The following SLC14A2 variants were observed in gnomAD, a reference collection of about 807,000 sequenced individuals.
SLC14A2 encodes the protein urea transporter 2.
Under a neutral mutation model 104.6 loss-of-function variants are expected in SLC14A2, and 91 were observed. The observed-to-expected ratio is 0.87, with a 90% CI of 0.73 to 1.04. The LOEUF is 1.04. SLC14A2 is among the 50% of genes least tolerant of loss of function. The pLI, the probability that SLC14A2 is intolerant of heterozygous loss-of-function variation, is 0.00. For synonymous variants in SLC14A2, 476 were observed against 466.4 expected, an observed-to-expected ratio of 1.02 and a Z score of -0.27; for missense variants, 1,189 against 1,156.0, an observed-to-expected ratio of 1.03 and a Z score of -0.41.
chr18:45,195,683 C>A, the SLC14A2 span, among the ~76,000 whole-genome samples: 1 of 152,146 alleles, frequency 6.6e-6, no homozygotes. Context: ...AGCCACTGCG[C>A]CTGGCTGGGA....
chr18:45,643,950 G>A (rs1249569032), intron 9 of SLC14A2, 36 bp from the exon 10 acceptor site: 1 of 1,598,506 alleles, frequency 6.3e-7, no homozygotes, highest in Non-Finnish European at 8.6e-7. Flanking sequence ...CAGGAAACTA[G>A]GAAACTTCTT....
Position 45,625,833 on chromosome 18 carries a change from G to A in SLC14A2, c.301G>A (p.Asp101Asn), listed in dbSNP as rs750301658. Residue 101 changes from aspartate to asparagine, a missense_variant, in exon 3 of 20, where the codon GAC becomes AAC. Coordinates refer to ENST00000255226, the MANE Select transcript of SLC14A2 (RefSeq NM_007163.4). Reference protein sequence around the residue: ...LSKAVGYLTGDMKEYRIWLKD... With the variant: ...LSKAVGYLTGNMKEYRIWLKD... ...CAAAGCAGTGGGCTACCTCACGGGC[G>A]ACATGAAGGAGTACAGGATCTGGCT... The A allele has an allele frequency of 1.6e-5, 24 of 1,501,302 alleles. No individual in the cohort carries two copies. The East Asian group carries it at 2.4e-4, about 15-fold the overall frequency. 93.0% of individuals were successfully genotyped at this position (1,501,302 alleles called of 1,614,324 possible).
At chr18:45,254,528 G>A (rs1284507613) in intron 1 of SLC14A2, among the ~76,000 whole-genome samples, 2 of 152,292 alleles carry the variant, frequency 1.3e-5, no homozygotes, top group East Asian at 3.9e-4. Flanking sequence ...GCACAATTTG[G>A]TGAAGATTTT....
chr18:45,552,319 T>G lies in SLC14A2; in HGVS notation c.-35+68997T>G, dbSNP rs944825925. On this transcript the variant is annotated intron_variant, in intron 2 of 20. Transcript: ENST00000586448. The stretch of plus-strand genomic sequence containing the variant: ...AGTCCTCTGACTCCCATGGCCCGCA[T>G]AGCAGCAAGGAGAAGGGGAATGCAG... 2.0e-5 allele frequency among the ~76,000 whole-genome samples: 3 copies of G among 152,286 alleles called. No individual in the cohort carries two copies. The East Asian group carries it at 5.8e-4, about 29-fold the overall frequency.
At chr18:45,391,022 G>C (rs1009340694) in intron 1 of SLC14A2, among the ~76,000 whole-genome samples, 5 of 152,082 alleles carry the variant, frequency 3.3e-5, no homozygotes, top group Non-Finnish European at 7.4e-5. Flanking sequence ...TTGGTGTGCT[G>C]CATCCATTAA....
Position 45,637,148 on chromosome 18 carries a change from C to G in SLC14A2, c.809C>G (p.Pro270Arg). ...TTLVEPVSSV[P>R]NITWTEMEMP... Reference sequence around the variant, plus strand: ...CTGGTAGAGCCTGTGTCTTCAGTGCCCAATATCACCTGGACAGAGATGGAA... The same window carrying G: ...CTGGTAGAGCCTGTGTCTTCAGTGCGCAATATCACCTGGACAGAGATGGAA... The change falls in exon 6 of 20, where the codon CCC (proline) becomes CGC (arginine). Residue 270 changes from proline to arginine, a missense_variant. Physicochemically the swap from Pro to Arg is moderately radical, Grantham distance 103 (BLOSUM62 -2). Transcript: ENST00000255226. The G allele has an allele frequency of 6.2e-7, 1 of 1,614,140 alleles. No homozygotes were observed. Among genetic ancestry groups the G allele is most frequent in the Non-Finnish European group, 8.5e-7 (1 of 1,180,008 alleles).
Position 45,668,333 on chromosome 18 carries a change from C to T in SLC14A2, c.1908-16C>T. ...GGGGAAGCCCCTGCTCCACCTGACC[C>T]TCCCTCTCCTGCCAGGTCGGCCATC... On this transcript the variant is annotated splice_polypyrimidine_tract_variant and intron_variant, in intron 14 of 19. Transcript: ENST00000255226. 1 of 1,613,800 alleles carries T rather than the reference C, an allele frequency of 6.2e-7. No homozygotes were observed. Among genetic ancestry groups the T allele is most frequent in the East Asian group, 2.2e-5 (1 of 44,878 alleles).
intron 1 of SLC14A2, among the ~76,000 whole-genome samples, chr18:45,429,041 G>A (rs1001330417): frequency 6.6e-6 from 1 of 152,190 alleles, no homozygotes; most frequent in African/African-American, 2.4e-5. Context: ...GAGTAAAGGG[G>A]CCAACGGCAG....
At chr18:45,606,142 C>T (rs2044863390) in intron 2 of SLC14A2, among the ~76,000 whole-genome samples, 1 of 151,982 alleles carries the variant, frequency 6.6e-6, no homozygotes, top group African/African-American at 2.4e-5. Flanking sequence ...ACCAGGGAAC[C>T]CTCATCTCTC....
At chr18:45,251,958 G>A (rs946353027) in intron 1 of SLC14A2, among the ~76,000 whole-genome samples, 3 of 151,882 alleles carry the variant, frequency 2.0e-5, no homozygotes, top group African/African-American at 4.8e-5. Context: ...AATCTGAGAC[G>A]CATTAGCTTG....
intron 2 of SLC14A2, among the ~76,000 whole-genome samples, chr18:45,603,692 T>C (rs1437274362): frequency 6.6e-6 from 1 of 152,112 alleles, no homozygotes; most frequent in African/African-American, 2.4e-5. Context: ...ATCCTAACAG[T>C]GTGCCAGAGC....
chr18:45,247,631 C>A (rs1249539763), intron 1 of SLC14A2, among the ~76,000 whole-genome samples: 4 of 152,066 alleles, frequency 2.6e-5, no homozygotes, highest in African/African-American at 9.7e-5. Flanking sequence ...GATCTCACCC[C>A]CTGAACAAAC....
intron 1 of SLC14A2, among the ~76,000 whole-genome samples, chr18:45,348,541 C>G (rs561880489): frequency 6.6e-6 from 1 of 152,126 alleles, no homozygotes; most frequent in Non-Finnish European, 1.5e-5. Context: ...TACTCATGGT[C>G]CCTACTATTC....
At chr18:45,249,567 T>C (rs2084401557) in intron 1 of SLC14A2, among the ~76,000 whole-genome samples, 1 of 152,202 alleles carries the variant, frequency 6.6e-6, no homozygotes, top group Admixed American at 6.5e-5. Context: ...GCCTCTCTGA[T>C]TTTATCTCCT....
chr18:45,343,570 G>A (rs575878814), intron 1 of SLC14A2, among the ~76,000 whole-genome samples: 43 of 152,064 alleles, frequency 2.8e-4, no homozygotes, highest in Admixed American at 2.2e-3. Context: ...TTTTTATCTC[G>A]CCTTTGTAAT....
At chr18:45,194,091 C>T in the SLC14A2 span, among the ~76,000 whole-genome samples, 1 of 152,170 alleles carries the variant, frequency 6.6e-6, no homozygotes, top group African/African-American at 2.4e-5. Flanking sequence ...TCATAGTCAA[C>T]TTTTTTGTAG....
chr18:45,598,085 CA>C (rs1200881171), intron 2 of SLC14A2, among the ~76,000 whole-genome samples: 1 of 152,104 alleles, frequency 6.6e-6, no homozygotes, highest in Non-Finnish European at 1.5e-5. Context: ...ATGGGCAACC[CA>C]CACATTCACA....
At chr18:45,447,907 CATT>C (rs1309739174) in intron 1 of SLC14A2, among the ~76,000 whole-genome samples, 2 of 152,210 alleles carry the variant, frequency 1.3e-5, no homozygotes, top group East Asian at 3.8e-4. Flanking sequence ...GCCCTGCTTA[CATT>C]ATTTATTAAG....
the SLC14A2 span, among the ~76,000 whole-genome samples, chr18:45,191,530 G>T: frequency 1.3e-5 from 2 of 152,170 alleles, no homozygotes; most frequent in African/African-American, 4.8e-5. Flanking sequence ...CAAAGGAAAT[G>T]ACATTTTAAG....
Sources: gnomAD v4.1 joint callset for allele counts (sites outside exome capture counted in the v4.1 genomes callset) on GRCh38, gnomAD v4.1.1 for gene constraint, MANE v1.5 for transcripts, NCBI Gene and HGNC (gene_info 2026-07-23, HGNC 2026-07-21) for gene names.